Variants in HIPK2 observed in about 807,000 individuals in gnomAD.
HIPK2 encodes the protein homeodomain-interacting protein kinase 2.
In HIPK2, 27 loss-of-function variants were observed where a neutral mutation model predicts 113.7. The ratio of observed to expected loss-of-function variants is 0.24; its 90% CI spans 0.17 to 0.33. HIPK2 has a LOEUF of 0.33. Among genes scored for constraint, HIPK2 ranks in the 10% least tolerant of loss-of-function variants. The probability of loss-of-function intolerance (pLI) is 1.00; values close to 1 mark genes in which losing one functional copy is unlikely to be tolerated. For missense variants in HIPK2, 1,257 were observed against 1,588.0 expected (o/e 0.79, Z 3.54); for synonymous variants, 631 against 642.2 (o/e 0.98, Z 0.26).
intron 4 of HIPK2, among the ~76,000 whole-genome samples, 200 bp from the exon 5 acceptor site, chr7:139,629,239 C>T (rs1800532122): frequency 6.6e-6 from 1 of 152,148 alleles, no homozygotes; most frequent in Non-Finnish European, 1.5e-5. Context: ...CCTATGCACA[C>T]GTGTCAGGGG....
At chr7:139,649,207 T>C (rs1382012102) in intron 2 of HIPK2, among the ~76,000 whole-genome samples, 1 of 152,082 alleles carries the variant, frequency 6.6e-6, no homozygotes, top group Non-Finnish European at 1.5e-5. Flanking sequence ...ATGCATTTCA[T>C]TTCCACCTCC....
chr7:139,620,811 T>C (rs755902827), intron 6 of HIPK2, among the ~76,000 whole-genome samples: 2 of 152,332 alleles, frequency 1.3e-5, no homozygotes, highest in South Asian at 2.1e-4. Context: ...ATAGGTTCTA[T>C]ATATCACAAC....
At chr7:139,663,567 G>T (rs1801941091) in intron 2 of HIPK2, among the ~76,000 whole-genome samples, 1 of 152,190 alleles carries the variant, frequency 6.6e-6, no homozygotes, top group Admixed American at 6.5e-5. Flanking sequence ...TAACCATAAA[G>T]GTAACTGGTG....
At chr7:139,574,509 C>T (rs1798422007) in intron 14 of HIPK2, among the ~76,000 whole-genome samples, 1 of 152,218 alleles carries the variant, frequency 6.6e-6, no homozygotes. Flanking sequence ...TGGGGCAGCA[C>T]TTCAGATGAG....
At chr7:139,729,324 TGA>T (rs71170912) in intron 1 of HIPK2, among the ~76,000 whole-genome samples, 3,225 of 68,830 alleles carry the variant, frequency 0.047, 97 homozygotes, top group South Asian at 0.08. Flanking sequence ...ACCCTGTCTC[TGA>T]GAGAGAGAGA....
intron 2 of HIPK2, among the ~76,000 whole-genome samples, chr7:139,643,171 A>G (rs957896646): frequency 2.0e-5 from 3 of 152,218 alleles, no homozygotes; most frequent in Non-Finnish European, 4.4e-5. Context: ...TGAAGACTTC[A>G]GAATGAACCA....
At chr7:139,653,239 A>G (rs1432419253) in intron 2 of HIPK2, among the ~76,000 whole-genome samples, 1 of 151,748 alleles carries the variant, frequency 6.6e-6, no homozygotes, top group African/African-American at 2.4e-5. Flanking sequence ...GAGCAGAAAC[A>G]GCGTCACTGT....
chr7:139,741,786 C>G (rs900807988), intron 1 of HIPK2, among the ~76,000 whole-genome samples: 1 of 152,224 alleles, frequency 6.6e-6, no homozygotes, highest in Non-Finnish European at 1.5e-5. Context: ...CACCACCATT[C>G]ACGTTTTGTT....
At chr7:139,743,838 C>T (rs960688746) in intron 1 of HIPK2, among the ~76,000 whole-genome samples, 3 of 152,158 alleles carry the variant, frequency 2.0e-5, no homozygotes, top group Non-Finnish European at 2.9e-5. Flanking sequence ...CAGGGTTCTG[C>T]GAGAGACCTG....
At chr7:139,717,826 C>T (rs2116957968) in intron 1 of HIPK2, among the ~76,000 whole-genome samples, 1 of 152,224 alleles carries the variant, frequency 6.6e-6, no homozygotes, top group East Asian at 1.9e-4. Flanking sequence ...CTCACTGCCA[C>T]CTCTGCCTCC....
chr7:139,768,724 G>A (rs115332183), intron 1 of HIPK2, among the ~76,000 whole-genome samples: 2,037 of 152,212 alleles, frequency 0.013, 44 homozygotes, highest in African/African-American at 0.046. Flanking sequence ...AGGAGCTTCC[G>A]TATGCCTCTG....
At chr7:139,777,249 G>C (rs952181714) in intron 1 of HIPK2, 4 of 152,580 alleles carry the variant, frequency 2.6e-5, no homozygotes, top group South Asian at 2.1e-4. Context: ...AAGGTAATGT[G>C]GGGGGGCGGT....
chr7:139,663,473 A>G (rs1801938168), intron 2 of HIPK2, among the ~76,000 whole-genome samples: 1 of 152,184 alleles, frequency 6.6e-6, no homozygotes. Flanking sequence ...ATATGACACT[A>G]TACTGAAAAT....
chr7:139,583,977 G>C lies in HIPK2; in HGVS notation c.2805C>G (p.Pro935=). ...GCCCAGCACGCTGCTGCACGGAGTAGGGGCTGGTGTTGCTGGAGGAGTCGG... is the reference window on the plus strand; with the variant it reads ...GCCCAGCACGCTGCTGCACGGAGTACGGGCTGGTGTTGCTGGAGGAGTCGG... ...PYSDSSSNTS[P]YSVQQRAGHN... The change falls in exon 13 of 15, where the codon CCC becomes CCG. Residue 935 remains proline (P), a synonymous_variant. Transcript: ENST00000406875. The C allele has an allele frequency of 6.2e-7, 1 of 1,614,054 alleles. No individual in the cohort carries two copies. The highest frequency in any genetic ancestry group is 8.5e-7 in the Non-Finnish European group (1 of 1,179,882).
rs906696365 is a variant in HIPK2, at chr7:139,643,326, C to T, written c.1104-11601G>A. ...CTGTATAATGTTAGAATCAGATTGG[C>T]GGTTTTTTCTATTCATATTGGCAGT... On this transcript the variant is annotated intron_variant, in intron 2 of 14. Transcript: ENST00000406875. Among the ~76,000 whole-genome samples, 25 of 151,912 alleles carry T rather than the reference C, an allele frequency of 1.6e-4. 1 individual carries two copies. Among genetic ancestry groups the T allele is most frequent in the South Asian group, 4.1e-4 (2 of 4,820 alleles).
At chr7:139,634,581 T>C (rs1264036315) in intron 2 of HIPK2, among the ~76,000 whole-genome samples, 1 of 152,048 alleles carries the variant, frequency 6.6e-6, no homozygotes, top group Non-Finnish European at 1.5e-5. Context: ...ATAAGATTAC[T>C]GCCAGGTTGC....
chr7:139,591,834 G>A (rs932631707), intron 12 of HIPK2, among the ~76,000 whole-genome samples: 5 of 152,246 alleles, frequency 3.3e-5, no homozygotes, highest in African/African-American at 1.2e-4. Context: ...ACTCAAGCCT[G>A]ATTCCCACGT....
At chr7:139,748,729 G>A (rs1225927976) in intron 1 of HIPK2, among the ~76,000 whole-genome samples, 1 of 152,056 alleles carries the variant, frequency 6.6e-6, no homozygotes, top group Non-Finnish European at 1.5e-5. Flanking sequence ...TTCCAAATAA[G>A]GTCACATGCT....
intron 2 of HIPK2, among the ~76,000 whole-genome samples, chr7:139,653,139 C>CAAAAA (rs533809782): frequency 1.3e-5 from 1 of 75,448 alleles, no homozygotes; most frequent in African/African-American, 5.4e-5. Context: ...GACTCTGTCT[C>CAAAAA]AAAAAAAAAA....
Sources: gnomAD v4.1 joint callset for allele counts (sites outside exome capture counted in the v4.1 genomes callset) on GRCh38, gnomAD v4.1.1 for gene constraint, MANE v1.5 for transcripts, NCBI Gene and HGNC (gene_info 2026-07-23, HGNC 2026-07-21) for gene names.